ZNF423: variants seen among roughly 807,000 people sequenced by gnomAD.
The protein encoded by ZNF423 is Ebf-associated zinc finger protein.
ZNF423 carries 12 observed loss-of-function variants against 95.8 expected under a neutral mutation model. The observed-to-expected ratio is 0.13, with a 90% confidence interval of 0.08 to 0.20. The LOEUF is 0.20. Ranked by LOEUF, ZNF423 falls within the 10% of genes least tolerant of loss-of-function variation. The pLI, the probability that ZNF423 is intolerant of heterozygous loss-of-function variation, is 1.00. For missense variants in ZNF423, 1,316 were observed against 1,737.1 expected (o/e 0.76, Z 4.31); for synonymous variants, 749 against 711.9 (o/e 1.05, Z -0.83).
At chr16:49,747,149 C>T (rs1362271795) in intron 2 of ZNF423, among the ~76,000 whole-genome samples, 1 of 152,126 alleles carries the variant, frequency 6.6e-6, no homozygotes, top group African/African-American at 2.4e-5. Context: ...AGAGTATCTG[C>T]TGCAGGATGA....
intron 5 of ZNF423, among the ~76,000 whole-genome samples, chr16:49,530,203 T>C (rs929272473): frequency 6.6e-6 from 1 of 152,134 alleles, no homozygotes; most frequent in African/African-American, 2.4e-5. Flanking sequence ...AGCAGTCTTA[T>C]TTGGCCACAG....
chr16:49,693,768 T>C (rs1199801420), intron 3 of ZNF423, among the ~76,000 whole-genome samples: 1 of 152,142 alleles, frequency 6.6e-6, no homozygotes, highest in Non-Finnish European at 1.5e-5. Context: ...CTTGCCCTCT[T>C]TTAGGAAGAG....
At chr16:49,516,738 C>A (rs1334837310) in intron 7 of ZNF423, among the ~76,000 whole-genome samples, 1 of 152,234 alleles carries the variant, frequency 6.6e-6, no homozygotes, top group African/African-American at 2.4e-5. Flanking sequence ...CTGAAAAGCA[C>A]CCTGAACTTG....
intron 3 of ZNF423, among the ~76,000 whole-genome samples, chr16:49,727,295 A>C (rs1406008393): frequency 6.6e-6 from 1 of 152,114 alleles, no homozygotes; most frequent in Admixed American, 6.5e-5. Context: ...TCCCAACTGG[A>C]AATGAAGGCT....
chr16:49,611,385 G>A (rs779044090), intron 5 of ZNF423, among the ~76,000 whole-genome samples: 24 of 151,856 alleles, frequency 1.6e-4, no homozygotes, highest in African/African-American at 3.1e-4. Context: ...ACTATACGAC[G>A]TACCTCTAAA....
At chr16:49,729,975 GGAA>G (rs1289282661) in intron 3 of ZNF423, among the ~76,000 whole-genome samples, 1 of 152,098 alleles carries the variant, frequency 6.6e-6, no homozygotes, top group East Asian at 1.9e-4. Context: ...CAACCCTGAT[GGAA>G]GAAGGTCTCT....
intron 3 of ZNF423, among the ~76,000 whole-genome samples, chr16:49,719,701 ACCC>A (rs1334556675): frequency 2.0e-5 from 3 of 151,960 alleles, no homozygotes; most frequent in African/African-American, 7.3e-5. Flanking sequence ...TGTCCTTGCT[ACCC>A]CTTCACCTTC....
chr16:49,724,088 C>T (rs181663772), intron 3 of ZNF423, among the ~76,000 whole-genome samples: 65 of 152,288 alleles, frequency 4.3e-4, no homozygotes, highest in Non-Finnish European at 7.1e-4. Context: ...CCAATAGGTT[C>T]GTTTGGAGGA....
chr16:49,773,784 T>C (rs1026546695), intron 2 of ZNF423, among the ~76,000 whole-genome samples: 13 of 152,074 alleles, frequency 8.5e-5, no homozygotes, highest in Admixed American at 7.2e-4. Flanking sequence ...ACAAGAATAA[T>C]GATAATACCA....
Position 49,722,959 on chromosome 16 carries a change from T to C in ZNF423, c.301+7812A>G, listed in dbSNP as rs957815848. Among the ~76,000 whole-genome samples the C allele has an allele frequency of 3.3e-4, 50 of 150,362 alleles. No homozygotes were observed. In the East Asian group the frequency reaches 8.0e-3, roughly 24 times the overall value. On this transcript the variant is annotated intron_variant, in intron 3 of 7. Coordinates refer to ENST00000563137, the MANE Select transcript of ZNF423 (RefSeq NM_001379286.1). The stretch of plus-strand genomic sequence containing the variant: ...TACTATAAACGGGGTTCTAATTTTT[T>C]TTTTTTTTTTTTTTGAGACTGAGTG...
chr16:49,697,960 C>T (rs2032035536), intron 3 of ZNF423, among the ~76,000 whole-genome samples: 1 of 152,206 alleles, frequency 6.6e-6, no homozygotes, highest in Non-Finnish European at 1.5e-5. Flanking sequence ...TGGCATGAAC[C>T]ACTGCCCCAT....
Position 49,682,414 on chromosome 16 carries a change from A to C in ZNF423, c.302-43540T>G, listed in dbSNP as rs189319685. On this transcript the variant is annotated intron_variant, in intron 3 of 7. Transcript: ENST00000563137. ...GGGTGGGTGCAGAAGGCCCGGCCCC[A>C]AGGGAGAGCCAAGGGATGCCAGATC... 5.9e-5 allele frequency among the ~76,000 whole-genome samples: 9 copies of C among 152,294 alleles called. No individual in the cohort carries two copies. In the East Asian group the frequency reaches 1.7e-3, roughly 29 times the overall value.
At chr16:49,835,747 A>G (rs766864417) in intron 1 of ZNF423, among the ~76,000 whole-genome samples, 7 of 152,168 alleles carry the variant, frequency 4.6e-5, no homozygotes, top group Non-Finnish European at 1.0e-4. Flanking sequence ...GTGGGGGGGC[A>G]GAGGATGCAG....
At chr16:49,736,051 C>A (rs941809646) in intron 2 of ZNF423, among the ~76,000 whole-genome samples, 5 of 152,094 alleles carry the variant, frequency 3.3e-5, no homozygotes, top group Admixed American at 2.0e-4. Context: ...TAGCTCAGTG[C>A]CACCTCCCCC....
chr16:49,691,066 AG>A (rs1486118797), intron 3 of ZNF423, among the ~76,000 whole-genome samples: 1 of 152,214 alleles, frequency 6.6e-6, no homozygotes, highest in Non-Finnish European at 1.5e-5. Flanking sequence ...CAGCCGTCGG[AG>A]GGGGCTGAGC....
intron 1 of ZNF423, among the ~76,000 whole-genome samples, chr16:49,803,879 T>A (rs908601764): frequency 1.3e-5 from 2 of 150,614 alleles, no homozygotes; most frequent in Non-Finnish European, 2.9e-5. Context: ...TCCATAGCCA[T>A]AGCCCCAGAG....
intron 3 of ZNF423, among the ~76,000 whole-genome samples, chr16:49,687,636 G>A (rs980421775): frequency 1.3e-5 from 2 of 152,188 alleles, no homozygotes; most frequent in South Asian, 4.1e-4. Context: ...AAAGACATGG[G>A]CACAGAAAAT....
intron 5 of ZNF423, among the ~76,000 whole-genome samples, chr16:49,536,110 C>T (rs1305274720): frequency 6.6e-6 from 1 of 152,182 alleles, no homozygotes; most frequent in African/African-American, 2.4e-5. Flanking sequence ...AACGGGCACA[C>T]ACAAACACAA....
intron 2 of ZNF423, among the ~76,000 whole-genome samples, chr16:49,750,904 C>G (rs998324951): frequency 6.6e-6 from 1 of 152,130 alleles, no homozygotes; most frequent in African/African-American, 2.4e-5. Context: ...GAGCAGCAAG[C>G]ACAAAGGAAC....
Sources: gnomAD v4.1 joint callset for allele counts (sites outside exome capture counted in the v4.1 genomes callset) on GRCh38, gnomAD v4.1.1 for gene constraint, MANE v1.5 for transcripts, NCBI Gene and HGNC (gene_info 2026-07-23, HGNC 2026-07-21) for gene names.